MTUS2: variants seen among roughly 807,000 people sequenced by gnomAD.
The protein encoded by MTUS2 is microtubule associated scaffold protein 2.
In MTUS2, 40 loss-of-function variants were observed where a neutral mutation model predicts 114.1. The observed-to-expected ratio is 0.35, with a 90% confidence interval of 0.27 to 0.46. The LOEUF (loss-of-function observed/expected upper bound fraction) is 0.46. Among genes scored for constraint, MTUS2 ranks in the 20% least tolerant of loss-of-function variants. MTUS2 has a pLI of 1.00. For synonymous variants in MTUS2, 688 were observed against 672.0 expected (o/e 1.02, Z -0.37); for missense variants, 1,679 against 1,705.4 (o/e 0.98, Z 0.27).
chr13:29,295,279 G>A (rs4526858), intron 6 of MTUS2, among the ~76,000 whole-genome samples: 109,965 of 151,988 alleles, frequency 0.72, 39,978 homozygotes, highest in South Asian at 0.78. Flanking sequence ...AGGAACATTC[G>A]AAATCCAATC....
In MTUS2 at chr13:29,026,551, A is replaced by G; in HGVS notation, c.1853A>G (p.Tyr618Cys). 4 of 1,613,960 alleles carry G rather than the reference A, an allele frequency of 2.5e-6. No individual in the cohort carries two copies. The highest frequency in any genetic ancestry group is 3.4e-6 in the Non-Finnish European group (4 of 1,179,866). ...TPSSQEGMEN[Y>C]QVEKTEERTE... ...TCCTCGCAGGAGGGAATGGAGAACT[A>G]TCAGGTTGAAAAAACAGAGGAGAGG... The change falls in exon 3 of 16, where the codon TAT (tyrosine) becomes TGT (cysteine). Residue 618 changes from tyrosine to cysteine, a missense_variant. By Grantham distance (194) the Tyr-to-Cys change is radical. Coordinates refer to ENST00000612955, the MANE Select transcript of MTUS2 (RefSeq NM_001033602.4).
intron 9 of MTUS2, among the ~76,000 whole-genome samples, chr13:29,448,501 G>A (rs1165800697): frequency 6.6e-6 from 1 of 151,954 alleles, no homozygotes; most frequent in East Asian, 1.9e-4. Context: ...TCCCCTTGGT[G>A]AGCTTGCCCA....
intron 9 of MTUS2, among the ~76,000 whole-genome samples, chr13:29,459,762 C>G (rs1879357628): frequency 6.6e-6 from 1 of 152,176 alleles, no homozygotes; most frequent in Non-Finnish European, 1.5e-5. Flanking sequence ...TTCTATCATT[C>G]ATAGGTTAGC....
upstream of MTUS2, among the ~76,000 whole-genome samples, chr13:28,820,103 G>GCGAAGGT (rs1873781015): frequency 6.8e-6 from 1 of 146,902 alleles, no homozygotes; most frequent in Non-Finnish European, 1.5e-5. Context: ...GTGGCGCGCT[G>GCGAAGGT]CGAAGGTTGG....
chr13:29,016,570 G>T (rs887854650), intron 2 of MTUS2, among the ~76,000 whole-genome samples: 33 of 151,822 alleles, frequency 2.2e-4, no homozygotes, highest in African/African-American at 7.7e-4. Flanking sequence ...TATCATTTAT[G>T]TATATATTCT....
At chr13:29,161,027 G>A (rs761482923) in intron 5 of MTUS2, among the ~76,000 whole-genome samples, 5 of 152,224 alleles carry the variant, frequency 3.3e-5, no homozygotes, top group Non-Finnish European at 7.3e-5. Flanking sequence ...ATGGCTGGAG[G>A]AAGGTGAGTG....
intron 8 of MTUS2, among the ~76,000 whole-genome samples, chr13:29,407,949 GT>G (rs1874909711): frequency 6.6e-6 from 1 of 152,056 alleles, no homozygotes; most frequent in Non-Finnish European, 1.5e-5. Flanking sequence ...TAAGAATTAT[GT>G]TTTTGTATGT....
intron 2 of MTUS2, among the ~76,000 whole-genome samples, chr13:28,868,342 A>G (rs1261535292): frequency 1.3e-5 from 2 of 152,224 alleles, no homozygotes; most frequent in African/African-American, 4.8e-5. Context: ...TATCAGAAGT[A>G]TCATAGTCAG....
intron 8 of MTUS2, among the ~76,000 whole-genome samples, chr13:29,375,571 ATAC>A (rs1436426493): frequency 0.056 from 256 of 4,588 alleles, 23 homozygotes; most frequent in South Asian, 0.17. Flanking sequence ...ATATATATAT[ATAC>A]ATATATATAT....
chr13:28,823,458 T>C (rs2085535669), intron 1 of MTUS2, among the ~76,000 whole-genome samples: 1 of 152,200 alleles, frequency 6.6e-6, no homozygotes, highest in African/African-American at 2.4e-5. Flanking sequence ...TGCCTTTAGA[T>C]CTTATCATCT....
chr13:28,967,024 C>T (rs1036108474), intron 2 of MTUS2, among the ~76,000 whole-genome samples: 9 of 152,104 alleles, frequency 5.9e-5, no homozygotes, highest in African/African-American at 2.2e-4. Context: ...AATAGTACTG[C>T]GATAGCAATT....
rs188514673 is a variant in MTUS2, at chr13:29,062,228, C to T, written c.2446+28103C>T. Among the ~76,000 whole-genome samples, 832 of 152,224 alleles carry T rather than the reference C, an allele frequency of 5.5e-3. 4 individuals carry two copies. The highest frequency in any genetic ancestry group is 0.018 in the African/African-American group (747 of 41,512). ...CTTGAACTCCTGAATTCAAGAGACC[C>T]ACCTGCCTCAGCCTCCCAAAGTGCT... On this transcript the variant is annotated intron_variant, in intron 4 of 15. Coordinates refer to ENST00000612955, the MANE Select transcript of MTUS2 (RefSeq NM_001033602.4).
intron 4 of MTUS2, among the ~76,000 whole-genome samples, chr13:29,038,888 A>T (rs778005608): frequency 6.6e-6 from 1 of 152,072 alleles, no homozygotes; most frequent in Non-Finnish European, 1.5e-5. Context: ...CCCCTCCCTC[A>T]CCAAGCTCGA....
intron 10 of MTUS2, among the ~76,000 whole-genome samples, chr13:29,483,663 C>T (rs1881373304): frequency 6.6e-6 from 1 of 152,064 alleles, no homozygotes. Context: ...CTGAGGGGGA[C>T]CTGAGGGGGT....
intron 5 of MTUS2, among the ~76,000 whole-genome samples, chr13:29,137,783 AT>A (rs11288473): frequency 0.88 from 127,262 of 144,538 alleles, 55,994 homozygotes; most frequent in South Asian, 0.92. Context: ...TGCCTGGTTA[AT>A]TTTTTTTTTT....
chr13:28,941,531 T>G, intron 2 of MTUS2, among the ~76,000 whole-genome samples: 1 of 152,256 alleles, frequency 6.6e-6, no homozygotes, highest in South Asian at 2.1e-4. Context: ...TTTAGTATTT[T>G]ATATTTTTAA....
chr13:29,002,031 AGT>A (rs1377166212), intron 2 of MTUS2, among the ~76,000 whole-genome samples: 1 of 152,236 alleles, frequency 6.6e-6, no homozygotes, highest in Non-Finnish European at 1.5e-5. Context: ...CGGCCCTGCC[AGT>A]GCCATGACTT....
At chr13:29,328,987 C>T (rs1308528912) in intron 7 of MTUS2, among the ~76,000 whole-genome samples, 1 of 151,994 alleles carries the variant, frequency 6.6e-6, no homozygotes, top group Non-Finnish European at 1.5e-5. Context: ...GGTGTGACTC[C>T]CCCAGGCCCT....
chr13:28,979,338 A>G (rs1301278429), intron 2 of MTUS2, among the ~76,000 whole-genome samples: 1 of 152,198 alleles, frequency 6.6e-6, no homozygotes, highest in Non-Finnish European at 1.5e-5. Flanking sequence ...TTTTTCAGAA[A>G]TCATTGTTAT....
Sources: allele counts gnomAD v4.1 joint callset (sites outside exome capture counted in the v4.1 genomes callset), GRCh38; gene constraint gnomAD v4.1.1; transcripts MANE v1.5; gene names NCBI Gene and HGNC (gene_info 2026-07-23, HGNC 2026-07-21).